Variants in ARHGAP28 observed in about 807,000 individuals in gnomAD.
ARHGAP28 encodes Rho GTPase activating protein 28.
In ARHGAP28, 56 loss-of-function variants were observed where a neutral mutation model predicts 90.7. The ratio of observed to expected loss-of-function variants is 0.62; its 90% confidence interval spans 0.50 to 0.77. ARHGAP28 has a LOEUF of 0.77. ARHGAP28 is among the 30% of genes least tolerant of loss of function. The pLI, the probability that ARHGAP28 is intolerant of heterozygous loss-of-function variation, is 0.00. For missense variants in ARHGAP28, 869 were observed against 900.9 expected, an observed-to-expected ratio of 0.96 and a Z score of 0.45; for synonymous variants, 308 against 323.3, an observed-to-expected ratio of 0.95 and a Z score of 0.51.
rs2057402727 is a variant in ARHGAP28, at chr18:6,912,104, C to T, written c.2140C>T (p.Arg714Cys). The T allele has an allele frequency of 6.8e-6, 11 of 1,608,352 alleles. No homozygotes were observed. The highest frequency in any genetic ancestry group is 1.7e-5 in the Admixed American group (1 of 59,706). The change falls in exon 18 of 18, where the codon CGT becomes TGT. Residue 714 changes from arginine (R) to cysteine (C), a missense_variant. By Grantham distance (180) the Arg-to-Cys change is radical (BLOSUM62 -3). Coordinates refer to ENST00000383472, the MANE Select transcript of ARHGAP28 (RefSeq NM_001366230.1). ...AGATGCTTATATATTGGATGTATAT[C>T]GTATAAATCCTCAAGCAGAATGGGT... ...DPDAYILDVY[R>C]INPQAEWVIK...
chr18:6,856,808 C>T (rs1466452435), intron 4 of ARHGAP28, among the ~76,000 whole-genome samples: 3 of 152,178 alleles, frequency 2.0e-5, no homozygotes, highest in South Asian at 2.1e-4. Flanking sequence ...CAAGCCCAGC[C>T]GTGATTTCTA....
chr18:6,881,716 G>T (rs1423414052), intron 10 of ARHGAP28, among the ~76,000 whole-genome samples: 1 of 152,154 alleles, frequency 6.6e-6, no homozygotes, highest in East Asian at 1.9e-4. Flanking sequence ...CTGGCTGAGA[G>T]GCAAACCTTC....
intron 14 of ARHGAP28, among the ~76,000 whole-genome samples, chr18:6,891,751 C>A (rs1037057936): frequency 6.6e-6 from 1 of 152,104 alleles, no homozygotes; most frequent in African/African-American, 2.4e-5. Flanking sequence ...CCATACCTGG[C>A]TAACTTTTTA....
At chr18:6,809,015 G>A (rs1327737112) in intron 1 of ARHGAP28, among the ~76,000 whole-genome samples, 2 of 152,088 alleles carry the variant, frequency 1.3e-5, no homozygotes, top group South Asian at 2.1e-4. Context: ...TAGCCAACTC[G>A]CCTTCCTGAG....
At chr18:6,894,014 G>A (rs565371951) in intron 14 of ARHGAP28, among the ~76,000 whole-genome samples, 4 of 151,680 alleles carry the variant, frequency 2.6e-5, no homozygotes, top group South Asian at 2.1e-4. Flanking sequence ...CTACAGATAC[G>A]TGCCACCACG....
intron 7 of ARHGAP28, 135 bp downstream of exon 7, chr18:6,870,867 C>T (rs951118093): frequency 1.4e-4 from 123 of 867,580 alleles, no homozygotes; most frequent in Admixed American, 1.9e-4. Context: ...GTGGCGCGAT[C>T]TCGGCTCACT....
chr18:6,831,471 GTTTT>G (rs57331018), intron 2 of ARHGAP28, among the ~76,000 whole-genome samples: 16 of 109,308 alleles, frequency 1.5e-4, no homozygotes, highest in African/African-American at 5.6e-4. Flanking sequence ...GTATCTTGAT[GTTTT>G]TTTTTTTTTT....
intron 5 of ARHGAP28, among the ~76,000 whole-genome samples, chr18:6,860,159 G>A (rs930119156): frequency 1.3e-5 from 2 of 152,168 alleles, no homozygotes; most frequent in African/African-American, 4.8e-5. Context: ...TCAATTTGGA[G>A]GAATTTGTTA....
chr18:6,881,966 A>C (rs986679969), intron 10 of ARHGAP28, among the ~76,000 whole-genome samples, 171 bp from the exon 11 acceptor site: 1 of 152,188 alleles, frequency 6.6e-6, no homozygotes, highest in African/African-American at 2.4e-5. Flanking sequence ...TTAAAAATTC[A>C]TCCTCACATA....
At chr18:6,758,992 C>G (rs749233545) in intron 1 of ARHGAP28, among the ~76,000 whole-genome samples, 1 of 152,168 alleles carries the variant, frequency 6.6e-6, no homozygotes, top group Non-Finnish European at 1.5e-5. Context: ...TCACATATGA[C>G]ACAGTAAAAT....
rs145187363 is a variant in ARHGAP28, at chr18:6,760,017, G to A, written c.122+30074G>A. ...CTTGTGATCAAAACATTTGCAGCAG[G>A]AGTTCAAACAAAGAATTCAATGTGC... On this transcript the variant is annotated intron_variant, in intron 1 of 17. Coordinates refer to ENST00000383472, the MANE Select transcript of ARHGAP28 (RefSeq NM_001366230.1). Among the ~76,000 whole-genome samples, 133 of 152,224 alleles carry A rather than the reference G, an allele frequency of 8.7e-4. 2 individuals carry two copies. The highest frequency in any genetic ancestry group is 1.6e-3 in the Non-Finnish European group (112 of 68,014).
At chr18:6,790,985 A>G (rs1360672785) in intron 1 of ARHGAP28, 3 of 152,214 alleles carry the variant, frequency 2.0e-5, no homozygotes, top group Non-Finnish European at 4.4e-5. Flanking sequence ...CTACTTGTGC[A>G]CAAAATTTTA....
chr18:6,884,501 T>C (rs78883425), intron 11 of ARHGAP28, among the ~76,000 whole-genome samples: 7,644 of 152,332 alleles, frequency 0.05, 233 homozygotes, highest in Non-Finnish European at 0.069. Flanking sequence ...TTAAAGCTTA[T>C]TCTGAACATT....
At chr18:6,774,714 A>G (rs1359297176) in intron 1 of ARHGAP28, among the ~76,000 whole-genome samples, 1 of 152,218 alleles carries the variant, frequency 6.6e-6, no homozygotes, top group African/African-American at 2.4e-5. Flanking sequence ...ATTAATGCAC[A>G]TCTGTGGGCA....
chr18:6,732,742 T>A (rs1227878740), intron 1 of ARHGAP28, among the ~76,000 whole-genome samples: 1 of 152,222 alleles, frequency 6.6e-6, no homozygotes, highest in African/African-American at 2.4e-5. Flanking sequence ...AGGCTTGAGG[T>A]CAGATTGGCA....
At chr18:6,755,522 A>G (rs1363245576) in intron 1 of ARHGAP28, among the ~76,000 whole-genome samples, 1 of 152,214 alleles carries the variant, frequency 6.6e-6, no homozygotes, top group African/African-American at 2.4e-5. Flanking sequence ...TAGGATGAGG[A>G]AATGAAAGCA....
At chr18:6,776,014 A>G (rs1461312608) in intron 1 of ARHGAP28, among the ~76,000 whole-genome samples, 2 of 152,268 alleles carry the variant, frequency 1.3e-5, no homozygotes, top group Admixed American at 6.5e-5. Flanking sequence ...AATGAACAAC[A>G]CTTAGCCTAC....
chr18:6,901,540 TAAAA>T lies in ARHGAP28; in HGVS notation c.2030+4928_2030+4931del, dbSNP rs57305269. Among the ~76,000 whole-genome samples the T allele has an allele frequency of 5.2e-3, 684 of 132,518 alleles. 6 individuals carry two copies. Among genetic ancestry groups the T allele is most frequent in the African/African-American group, 0.017 (628 of 37,242 alleles). The allele number at this position is 132,518 out of a possible 152,430, so 86.9% of individuals were successfully genotyped here. A position where few individuals can be genotyped will look rare whatever the true frequency, so the allele number is the denominator to read the frequency against. On this transcript the variant is annotated intron_variant, in intron 16 of 17. Transcript: ENST00000383472. ...GTATCAAGGTACACCCTTGATATGATAAAAAAAAAAAAAAAAACAGCCCTTTATC... is the reference window on the plus strand; with the variant it reads ...GTATCAAGGTACACCCTTGATATGATAAAAAAAAAAAAACAGCCCTTTATC...
chr18:6,885,092 A>C (rs1265585050), intron 11 of ARHGAP28, among the ~76,000 whole-genome samples: 1 of 152,248 alleles, frequency 6.6e-6, no homozygotes, highest in Non-Finnish European at 1.5e-5. Flanking sequence ...CATTTACTGC[A>C]TGCTGTATCA....
Sources: allele counts gnomAD v4.1 joint callset (sites outside exome capture counted in the v4.1 genomes callset), GRCh38; gene constraint gnomAD v4.1.1; transcripts MANE v1.5; gene names NCBI Gene and HGNC (gene_info 2026-07-23, HGNC 2026-07-21).